The following THSD7B variants were observed in gnomAD, a reference collection of about 807,000 sequenced individuals.
The protein encoded by THSD7B is thrombospondin type-1 domain-containing protein 7B.
THSD7B carries 138 observed loss-of-function variants against 213.6 expected under a neutral mutation model. The observed-to-expected ratio is 0.65, with a 90% CI of 0.56 to 0.74. THSD7B has a LOEUF of 0.74. Among genes scored for constraint, THSD7B ranks in the 30% least tolerant of loss-of-function variants. The pLI, the probability that THSD7B is intolerant of heterozygous loss-of-function variation, is 0.00. For synonymous variants in THSD7B, 742 were observed against 687.0 expected (o/e 1.08, Z -1.25); for missense variants, 1,931 against 1,991.5 (o/e 0.97, Z 0.58).
At chr2:136,921,666 A>T (rs1179302611) in intron 2 of THSD7B, among the ~76,000 whole-genome samples, 1 of 152,198 alleles carries the variant, frequency 6.6e-6, no homozygotes, top group Non-Finnish European at 1.5e-5. Flanking sequence ...TAGATTGTTA[A>T]CATTTTCTTT....
intron 1 of THSD7B, among the ~76,000 whole-genome samples, chr2:136,865,232 T>A (rs1032994227): frequency 6.6e-6 from 1 of 152,200 alleles, no homozygotes; most frequent in Non-Finnish European, 1.5e-5. Context: ...TGGGAAACCA[T>A]GCTTCATAGA....
rs186145259 is a variant in THSD7B at position 137,558,419 on chromosome 2, C to A, written c.3139-4802C>A. On this transcript the variant is annotated intron_variant, in intron 15 of 27. Transcript: ENST00000409968. Reference sequence around the variant, plus strand: ...CAAGGCTGGTTCAACATATGCAAATCAATAAACATAATCCAGCATATAAAC... The same window carrying A: ...CAAGGCTGGTTCAACATATGCAAATAAATAAACATAATCCAGCATATAAAC... Among the ~76,000 whole-genome samples, 5 of 152,274 alleles carry A rather than the reference C, an allele frequency of 3.3e-5. No individual in the cohort carries two copies. In the East Asian group the frequency reaches 7.7e-4, roughly 23 times the overall value.
chr2:136,989,037 G>T (rs532085857), intron 2 of THSD7B, among the ~76,000 whole-genome samples: 184 of 152,292 alleles, frequency 1.2e-3, no homozygotes, highest in African/African-American at 4.1e-3. Flanking sequence ...GGGTAAGGAT[G>T]GTTGATGGGG....
chr2:136,901,508 T>A (rs573029741), intron 2 of THSD7B, among the ~76,000 whole-genome samples: 10 of 152,348 alleles, frequency 6.6e-5, no homozygotes, highest in African/African-American at 2.4e-4. Flanking sequence ...ATAAGGTCAC[T>A]AAAGGATGCT....
At chr2:137,242,294 T>G (rs991945218) in intron 9 of THSD7B, among the ~76,000 whole-genome samples, 163 bp from the exon 10 acceptor site, 12 of 152,190 alleles carry the variant, frequency 7.9e-5, no homozygotes, top group African/African-American at 2.4e-4. Flanking sequence ...TGCCTCCAGC[T>G]TTGAGCGCTT....
chr2:137,636,211 CAT>C (rs1440862408), intron 20 of THSD7B, among the ~76,000 whole-genome samples: 1 of 152,168 alleles, frequency 6.6e-6, no homozygotes, highest in African/African-American at 2.4e-5. Flanking sequence ...CATTAACACA[CAT>C]GTTCTATCAT....
chr2:137,277,019 TGTA>T (rs1260325311), intron 12 of THSD7B, among the ~76,000 whole-genome samples: 1 of 152,058 alleles, frequency 6.6e-6, no homozygotes, highest in Non-Finnish European at 1.5e-5. Flanking sequence ...ACTAAATTAT[TGTA>T]ATAATATATT....
At chr2:137,235,210 T>G (rs1681738423) in intron 9 of THSD7B, among the ~76,000 whole-genome samples, 1 of 152,162 alleles carries the variant, frequency 6.6e-6, no homozygotes, top group Non-Finnish European at 1.5e-5. Flanking sequence ...ATGACCTGAA[T>G]TTTCAACTGC....
At chr2:137,410,918 C>A (rs1012589611) in intron 13 of THSD7B, among the ~76,000 whole-genome samples, 1 of 152,148 alleles carries the variant, frequency 6.6e-6, no homozygotes, top group African/African-American at 2.4e-5. Context: ...AACATGATTA[C>A]CAAGTGTTTA....
intron 20 of THSD7B, among the ~76,000 whole-genome samples, chr2:137,624,738 T>C (rs1420866267): frequency 6.6e-6 from 1 of 152,224 alleles, no homozygotes; most frequent in African/African-American, 2.4e-5. Flanking sequence ...TCATCATCAC[T>C]GGTCATCAGA....
intron 15 of THSD7B, among the ~76,000 whole-genome samples, chr2:137,474,729 C>T (rs1461012290): frequency 6.6e-6 from 1 of 152,166 alleles, no homozygotes; most frequent in African/African-American, 2.4e-5. Context: ...AATTCTTAGT[C>T]ATTTATTTGT....
chr2:137,642,524 C>G lies in THSD7B; in HGVS notation c.3836C>G (p.Thr1279Ser), dbSNP rs1573761059. The G allele has an allele frequency of 6.2e-7, 1 of 1,613,880 alleles. No homozygotes were observed. The highest frequency in any genetic ancestry group is 2.2e-5 in the East Asian group (1 of 44,858). Residue 1279 changes from threonine to serine, a missense_variant, in exon 21 of 28, where the codon ACC (threonine) becomes AGC (serine). Coordinates refer to ENST00000409968, the MANE Select transcript of THSD7B (RefSeq NM_001316349.2). ...CGGACTCGATTTATCATTATGCCAA[C>G]CCAAGGAGAAGGACGGCCATGCCCC... ...MSRTRFIIMP[T>S]QGEGRPCPTE...
At chr2:137,330,282 G>A (rs1478892743) in intron 12 of THSD7B, among the ~76,000 whole-genome samples, 1 of 152,152 alleles carries the variant, frequency 6.6e-6, no homozygotes, top group Non-Finnish European at 1.5e-5. Flanking sequence ...GCACTGCCAA[G>A]TGCAGCTGTG....
At chr2:137,639,490 A>T (rs1410369202) in intron 20 of THSD7B, among the ~76,000 whole-genome samples, 2 of 152,196 alleles carry the variant, frequency 1.3e-5, no homozygotes, top group Non-Finnish European at 2.9e-5. Context: ...CCCCACACAG[A>T]GTCCCTAGTG....
At chr2:137,301,114 T>A (rs1683590584) in intron 12 of THSD7B, among the ~76,000 whole-genome samples, 1 of 152,124 alleles carries the variant, frequency 6.6e-6, no homozygotes, top group Non-Finnish European at 1.5e-5. Context: ...CACTGGCTCT[T>A]TAAAACAAAA....
chr2:136,824,145 G>A (rs533283764), intron 1 of THSD7B, among the ~76,000 whole-genome samples: 1 of 152,200 alleles, frequency 6.6e-6, no homozygotes, highest in African/African-American at 2.4e-5. Context: ...ACATAGTGTA[G>A]CCAAGATTTG....
At chr2:137,552,358 C>A (rs1680866216) in intron 15 of THSD7B, among the ~76,000 whole-genome samples, 1 of 152,168 alleles carries the variant, frequency 6.6e-6, no homozygotes, top group African/African-American at 2.4e-5. Flanking sequence ...TGTGCCTGAA[C>A]AAACTAAATG....
At chr2:137,397,644 T>C (rs1366757353) in intron 12 of THSD7B, among the ~76,000 whole-genome samples, 2 of 150,770 alleles carry the variant, frequency 1.3e-5, no homozygotes, top group African/African-American at 4.9e-5. Context: ...TTATGTGTCT[T>C]GGAGTTGCTC....
intron 2 of THSD7B, among the ~76,000 whole-genome samples, chr2:137,020,349 C>T (rs1392655468): frequency 6.6e-6 from 1 of 152,078 alleles, no homozygotes; most frequent in Admixed American, 6.6e-5. Flanking sequence ...GGTCAAGGGC[C>T]CTGAATGCTA....
Sources: allele counts gnomAD v4.1 joint callset (sites outside exome capture counted in the v4.1 genomes callset), GRCh38; gene constraint gnomAD v4.1.1; transcripts MANE v1.5; gene names NCBI Gene and HGNC (gene_info 2026-07-23, HGNC 2026-07-21).